The following LRP1 variants were observed in gnomAD, a reference collection of about 807,000 sequenced individuals.
LRP1 encodes prolow-density lipoprotein receptor-related protein 1.
LRP1 carries 51 observed loss-of-function variants against 541.5 expected under a neutral mutation model. The ratio of observed to expected loss-of-function variants is 0.09; its 90% CI spans 0.08 to 0.12. LRP1 has a LOEUF of 0.12. LRP1 is among the 10% of genes least tolerant of loss of function. The probability of loss-of-function intolerance (pLI) is 1.00; values close to 1 mark genes in which losing one functional copy is unlikely to be tolerated. For missense variants in LRP1, 3,878 were observed against 6,376.2 expected (o/e 0.61, Z 13.34); for synonymous variants, 2,219 against 2,470.8 (o/e 0.90, Z 3.02).
chr12:57,134,144 G>T (rs947528314), intron 1 of LRP1, among the ~76,000 whole-genome samples: 1 of 152,192 alleles, frequency 6.6e-6, no homozygotes, highest in Non-Finnish European at 1.5e-5. Flanking sequence ...GGGGGGTGGG[G>T]CAGGGTGTTG....
Position 57,190,916 on chromosome 12 carries a change from C to T in LRP1, c.7143C>T (p.Gly2381=), listed in dbSNP as rs1335221679. ...LIEKDIRTPN[G]LAIDHRAEKL... is the part of the protein sequence containing the mutation. The stretch of plus-strand genomic sequence containing the variant: ...AGAAGGACATCCGTACCCCCAATGG[C>T]CTGGCCATCGACCACCGTGCCGAGA... Residue 2381 remains glycine (G), a synonymous_variant, in exon 43 of 89, where the codon GGC becomes GGT. Coordinates refer to ENST00000243077, the MANE Select transcript of LRP1 (RefSeq NM_002332.3). The T allele has an allele frequency of 1.2e-6, 2 of 1,613,488 alleles. No homozygotes were observed. Among genetic ancestry groups the T allele is most frequent in the Non-Finnish European group, 1.7e-6 (2 of 1,179,996 alleles).
intron 22 of LRP1, among the ~76,000 whole-genome samples, chr12:57,175,239 G>A (rs1178005604): frequency 1.3e-5 from 2 of 152,204 alleles, no homozygotes; most frequent in Admixed American, 1.3e-4. Flanking sequence ...TATGGTGCCA[G>A]CTGGTGGGTG....
Position 57,158,321 on chromosome 12 carries a change from G to T in LRP1, c.1562-81G>T, listed in dbSNP as rs1345427675. 4 of 1,168,676 alleles carry T rather than the reference G, an allele frequency of 3.4e-6. No homozygotes were observed. The highest frequency in any genetic ancestry group is 5.0e-6 in the Non-Finnish European group (4 of 807,046). The allele number at this position is 1,168,676 out of a possible 1,614,324, so 72.4% of individuals were successfully genotyped here. A position where few individuals can be genotyped will look rare whatever the true frequency, so the allele number is the denominator to read the frequency against. ...CCTGACCCATCACAGCTAGGGCATT[G>T]CAGCCCCTTGGCCGCAGCCCCTGGG... On this transcript the variant is annotated intron_variant, in intron 10 of 88. Transcript: ENST00000243077. This position sits in a 1 kb window ranked among gnomAD's most constrained non-coding sequence, Gnocchi z 5.3.
Position 57,145,298 on chromosome 12 carries a change from G to T in LRP1, c.649G>T (p.Ala217Ser), listed in dbSNP as rs1021736359. Reference sequence around the variant, plus strand: ...CATCTTGGCCACGTACCTGAGTGGGGCCCAGGTGTCTACCATCACACCTAC... The same window carrying T: ...CATCTTGGCCACGTACCTGAGTGGGTCCCAGGTGTCTACCATCACACCTAC... ...QNILATYLSG[A>S]QVSTITPTST... Residue 217 changes from alanine to serine, a missense_variant, in exon 6 of 89, where the codon GCC (alanine) becomes TCC (serine). Physicochemically the swap from Ala to Ser is moderately conservative, Grantham distance 99. Transcript: ENST00000243077. 1 of 1,614,132 alleles carries T rather than the reference G, an allele frequency of 6.2e-7. No homozygotes were observed. The highest frequency in any genetic ancestry group is 8.5e-7 in the Non-Finnish European group (1 of 1,179,990).
Position 57,194,376 on chromosome 12 carries a change from C to T in LRP1, c.7941C>T (p.Tyr2647=). The change falls in exon 49 of 89, where the codon TAC becomes TAT. Residue 2647 remains tyrosine, a synonymous_variant. Coordinates refer to ENST00000243077, the MANE Select transcript of LRP1 (RefSeq NM_002332.3). ...CAGGTGCCACCGACTGCAGCAGCTA[C>T]TTCCGCCTGGGCGTGAAGGGCGTGC... ...MNCSATDCSS[Y]FRLGVKGVLF... 1 of 1,512,752 alleles carries T rather than the reference C, an allele frequency of 6.6e-7. No individual in the cohort carries two copies. The allele number at this position is 1,512,752 out of a possible 1,614,324, so 93.7% of individuals were successfully genotyped here.
intron 12 of LRP1, 111 bp downstream of exon 12, chr12:57,160,116 T>A: frequency 9.4e-7 from 1 of 1,069,144 alleles, no homozygotes; most frequent in Non-Finnish European, 1.4e-6. Flanking sequence ...GCGGGATACT[T>A]TAGCAGGAAT....
At chr12:57,129,428 A>AGGGGGT (rs566679212) in intron 1 of LRP1, among the ~76,000 whole-genome samples, 2,499 of 150,858 alleles carry the variant, frequency 0.017, 76 homozygotes, top group African/African-American at 0.055. Flanking sequence ...CGGCTGCAAA[A>AGGGGGT]GGGGGTGGGG....
intron 34 of LRP1, among the ~76,000 whole-genome samples, chr12:57,181,664 C>T (rs574512953): frequency 2.0e-5 from 3 of 152,146 alleles, no homozygotes; most frequent in Admixed American, 6.5e-5. Context: ...GTGAGCTAGG[C>T]GGGGCTCCTG....
chr12:57,208,406 C>G, intron 77 of LRP1, 190 bp downstream of exon 77: 1 of 655,616 alleles, frequency 1.5e-6, no homozygotes, highest in South Asian at 1.9e-5. Context: ...CCAGGGCCCC[C>G]AGCTGGGCCT....
intron 20 of LRP1, among the ~76,000 whole-genome samples, chr12:57,169,973 G>A (rs984266333): frequency 2.0e-5 from 3 of 152,206 alleles, no homozygotes; most frequent in Non-Finnish European, 2.9e-5. Flanking sequence ...AGTTTCTCTC[G>A]TCTCACAGTT....
In LRP1 at chr12:57,154,741, G is replaced by A. The variant is rs371686015; in HGVS notation, c.1227+40G>A. On this transcript the variant is annotated intron_variant, in intron 8 of 88. Coordinates refer to ENST00000243077, the MANE Select transcript of LRP1 (RefSeq NM_002332.3). The surrounding 1 kb of genome is among the most constrained non-coding windows in gnomAD (Gnocchi z 4.6). ...GTCTGAGGTTTTGTGGGGGAACCAT[G>A]ATCCAGGGCCTTCTGGTGAGGGGGG... 1.9e-4 allele frequency: 293 copies of A among 1,527,904 alleles called. 1 individual carries two copies. Among genetic ancestry groups the A allele is most frequent in the Middle Eastern group, 8.4e-4 (5 of 5,968 alleles). The allele number at this position is 1,527,904 out of a possible 1,614,324, so 94.6% of individuals were successfully genotyped here. A position where few individuals can be genotyped will look rare whatever the true frequency, so the allele number is the denominator to read the frequency against.
In LRP1 at chr12:57,141,532, T is replaced by A. The variant is rs773423442; in HGVS notation, c.328+21T>A. 19 of 1,614,078 alleles carry A rather than the reference T, an allele frequency of 1.2e-5. No individual in the cohort carries two copies. The South Asian group carries it at 2.1e-4, about 18-fold the overall frequency. ...CCGAGGTAAGGACTTTTCCACTCTC[T>A]ACTCTCCCGTCTGGATGCAGCATAT... On this transcript the variant is annotated intron_variant, in intron 3 of 88. Coordinates refer to ENST00000243077, the MANE Select transcript of LRP1 (RefSeq NM_002332.3).
Position 57,184,504 on chromosome 12 carries a change from T to A in LRP1, c.6186+52T>A, listed in dbSNP as rs1565739435. ...CCGATGGTAGACCCCTGACCCAGGC[T>A]CCTGTTCCCTGTGATGAGCCCATTC... On this transcript the variant is annotated intron_variant, in intron 38 of 88. Transcript: ENST00000243077. The surrounding 1 kb of genome is among the most constrained non-coding windows in gnomAD (Gnocchi z 7.8). 1 of 1,609,982 alleles carries A rather than the reference T, an allele frequency of 6.2e-7. No homozygotes were observed. Among genetic ancestry groups the A allele is most frequent in the Non-Finnish European group, 8.5e-7 (1 of 1,178,174 alleles).
chr12:57,129,443 G>C (rs1486600654), intron 1 of LRP1, among the ~76,000 whole-genome samples: 1 of 152,166 alleles, frequency 6.6e-6, no homozygotes, highest in African/African-American at 2.4e-5. Flanking sequence ...GTGGGGGTGG[G>C]GGGGGTGGCT....
intron 13 of LRP1, among the ~76,000 whole-genome samples, chr12:57,161,329 C>T (rs1466513275): frequency 6.6e-6 from 1 of 152,114 alleles, no homozygotes; most frequent in African/African-American, 2.4e-5. Flanking sequence ...TGAGGATTGC[C>T]TCCATTTGCG....
At chr12:57,146,545 G>A (rs965449788) in intron 6 of LRP1, 4 of 152,226 alleles carry the variant, frequency 2.6e-5, no homozygotes, top group African/African-American at 9.6e-5. Flanking sequence ...AAGATCCCAG[G>A]AGGTTACAAG....
intron 42 of LRP1, among the ~76,000 whole-genome samples, chr12:57,188,789 G>T (rs1035221711): frequency 6.6e-6 from 1 of 152,236 alleles, no homozygotes; most frequent in African/African-American, 2.4e-5. Flanking sequence ...GTGGCTGTGT[G>T]CTGAGGACTG....
At chr12:57,182,211 C>G (rs899327988) in intron 34 of LRP1, among the ~76,000 whole-genome samples, 2 of 152,026 alleles carry the variant, frequency 1.3e-5, no homozygotes, top group Non-Finnish European at 2.9e-5. Context: ...AGTGGTGCCT[C>G]AAGACATGGG....
chr12:57,174,461 G>T (rs2036004933), intron 22 of LRP1, among the ~76,000 whole-genome samples: 1 of 152,152 alleles, frequency 6.6e-6, no homozygotes, highest in African/African-American at 2.4e-5. Flanking sequence ...CCAAGGACAG[G>T]CAGTACTTGC....
Sources: gnomAD v4.1 joint callset for allele counts (sites outside exome capture counted in the v4.1 genomes callset) on GRCh38, gnomAD v4.1.1 for gene constraint, Gnocchi (gnomAD v3.1) non-coding constraint, MANE v1.5 for transcripts, NCBI Gene and HGNC (gene_info 2026-07-23, HGNC 2026-07-21) for gene names.